Variants in DCC observed in about 807,000 individuals in gnomAD.
The protein encoded by DCC is DCC netrin 1 receptor.
In DCC, 58 loss-of-function variants were observed where a neutral mutation model predicts 172.5. The observed-to-expected ratio is 0.34, with a 90% CI of 0.27 to 0.42. DCC has a LOEUF of 0.42. Ranked by LOEUF, DCC falls within the 10% of genes least tolerant of loss-of-function variation. DCC has a pLI of 1.00. For synonymous variants in DCC, 709 were observed against 644.5 expected (o/e 1.10, Z -1.52); for missense variants, 1,740 against 1,791.0 (o/e 0.97, Z 0.51).
intron 1 of DCC, among the ~76,000 whole-genome samples, chr18:52,698,259 C>A (rs1191605622): frequency 6.6e-6 from 1 of 152,156 alleles, no homozygotes; most frequent in East Asian, 1.9e-4. Context: ...TTTGAAAAGA[C>A]CTGCCATTTT....
At chr18:53,423,527 A>G (rs1246570204) in intron 21 of DCC, among the ~76,000 whole-genome samples, 2 of 152,170 alleles carry the variant, frequency 1.3e-5, no homozygotes, top group South Asian at 4.1e-4. Context: ...ACATGCTGTA[A>G]TGTGTACCAT....
chr18:52,755,605 G>T lies in DCC; in HGVS notation c.412+3231G>T, dbSNP rs191546147. ...GCCAAACCACTAGAATTCACAAGGG[G>T]CATATATCTTCCCAGTAATAAAGAC... On this transcript the variant is annotated intron_variant, in intron 2 of 28. Transcript: ENST00000442544. Among the ~76,000 whole-genome samples, 687 of 152,210 alleles carry T rather than the reference G, an allele frequency of 4.5e-3. 6 individuals carry two copies. Among genetic ancestry groups the T allele is most frequent in the African/African-American group, 0.016 (663 of 41,530 alleles).
At chr18:52,727,039 A>G (rs1426194053) in intron 1 of DCC, among the ~76,000 whole-genome samples, 1 of 152,216 alleles carries the variant, frequency 6.6e-6, no homozygotes, top group Non-Finnish European at 1.5e-5. Flanking sequence ...TGTCTCACAT[A>G]TAACTCAGAT....
At chr18:52,606,779 T>C (rs2034140504) in intron 1 of DCC, among the ~76,000 whole-genome samples, 1 of 152,120 alleles carries the variant, frequency 6.6e-6, no homozygotes, top group South Asian at 2.1e-4. Flanking sequence ...ATTATGAGAG[T>C]AACATGTGGG....
intron 25 of DCC, among the ~76,000 whole-genome samples, chr18:53,469,855 A>G (rs2045673962): frequency 6.6e-6 from 1 of 152,062 alleles, no homozygotes; most frequent in African/African-American, 2.4e-5. Flanking sequence ...GTCACTCTCC[A>G]CTGAATCCAT....
At chr18:52,615,733 T>G (rs1170641320) in intron 1 of DCC, among the ~76,000 whole-genome samples, 1 of 152,130 alleles carries the variant, frequency 6.6e-6, no homozygotes, top group Non-Finnish European at 1.5e-5. Context: ...GACAAGTTCT[T>G]CTGATGATGA....
At chr18:53,438,655 G>C (rs1480736048) in intron 22 of DCC, among the ~76,000 whole-genome samples, 3 of 152,156 alleles carry the variant, frequency 2.0e-5, no homozygotes, top group African/African-American at 7.2e-5. Flanking sequence ...ATTTGAAGTT[G>C]CTATTCAAAT....
intron 15 of DCC, among the ~76,000 whole-genome samples, chr18:53,374,117 G>T (rs1056824728): frequency 9.9e-5 from 15 of 152,084 alleles, no homozygotes; most frequent in African/African-American, 2.9e-4. Context: ...GTCCAGTGTG[G>T]AAGCTGCTGT....
intron 1 of DCC, among the ~76,000 whole-genome samples, chr18:52,563,877 G>T (rs561939513): frequency 6.6e-6 from 1 of 152,260 alleles, no homozygotes; most frequent in Non-Finnish European, 1.5e-5. Context: ...ATGCCCCTTA[G>T]TAGGGTTCTG....
At position 53,531,822 on chromosome 18, in the gene DCC, T is replaced by A. The variant is rs1172517579; in HGVS notation, c.*1169T>A. ...CTTTTGTTAAGGGAAACTTTTACAC[T>A]ACACCTGTGTCAGAGTCAGGGGGAA... On this transcript the variant is annotated 3_prime_UTR_variant, in exon 29 of 29. Transcript: ENST00000442544. The A allele has an allele frequency of 6.6e-6, 1 of 152,202 alleles. No individual in the cohort carries two copies. Among genetic ancestry groups the A allele is most frequent in the African/African-American group, 2.4e-5 (1 of 41,440 alleles). 9.4% of individuals were successfully genotyped at this position (152,202 alleles called of 1,614,324 possible).
intron 8 of DCC, among the ~76,000 whole-genome samples, chr18:53,169,613 T>A (rs966663408): frequency 6.6e-6 from 1 of 152,158 alleles, no homozygotes; most frequent in African/African-American, 2.4e-5. Flanking sequence ...GTGTTACAGA[T>A]CATGACTCTG....
At chr18:53,468,380 T>TTTTA (rs778617338) in intron 25 of DCC, among the ~76,000 whole-genome samples, 16,262 of 134,512 alleles carry the variant, frequency 0.12, 1,111 homozygotes, top group East Asian at 0.19. Flanking sequence ...TATTTATTTA[T>TTTTA]TTTATTTATT....
chr18:52,341,946 G>C lies in DCC; in HGVS notation c.91+1068G>C, dbSNP rs143936188. Among the ~76,000 whole-genome samples the C allele has an allele frequency of 4.6e-5, 7 of 152,226 alleles. No individual in the cohort carries two copies. The East Asian group carries it at 1.4e-3, about 30-fold the overall frequency. ...GGAAAAACAGGCTCAGGCAGAGACC[G>C]GGCGTTGAGTAGGAGCTCCCCAGTT... On this transcript the variant is annotated intron_variant, in intron 1 of 28. Transcript: ENST00000442544.
intron 1 of DCC, among the ~76,000 whole-genome samples, chr18:52,519,633 G>T (rs974388770): frequency 1.3e-5 from 2 of 152,246 alleles, no homozygotes; most frequent in African/African-American, 2.4e-5. Flanking sequence ...TTGCCTCTTT[G>T]TGTTGAATCT....
intron 7 of DCC, among the ~76,000 whole-genome samples, chr18:53,104,904 T>G (rs2043222948): frequency 6.6e-6 from 1 of 152,014 alleles, no homozygotes; most frequent in African/African-American, 2.4e-5. Flanking sequence ...TCTATGCAAA[T>G]TCAATTTCAC....
At chr18:53,467,778 ATAC>A (rs2045639349) in intron 24 of DCC, 113 bp from the exon 25 acceptor site, 1 of 764,878 alleles carries the variant, frequency 1.3e-6, no homozygotes, top group African/African-American at 1.7e-5. Flanking sequence ...AAGAAGGTAG[ATAC>A]TATCATAGAA....
intron 21 of DCC, among the ~76,000 whole-genome samples, chr18:53,431,686 T>C (rs1278814291): frequency 2.6e-5 from 4 of 152,132 alleles, no homozygotes; most frequent in African/African-American, 9.7e-5. Context: ...GGTTTTGCCA[T>C]GTTGCCCAGG....
intron 7 of DCC, among the ~76,000 whole-genome samples, chr18:53,099,529 T>C (rs2043133519): frequency 6.6e-6 from 1 of 152,168 alleles, no homozygotes; most frequent in Non-Finnish European, 1.5e-5. Flanking sequence ...CTGTGCAGTT[T>C]CAACAAGTAA....
At chr18:53,449,216 A>G (rs773486785) in intron 22 of DCC, among the ~76,000 whole-genome samples, 13 of 152,228 alleles carry the variant, frequency 8.5e-5, no homozygotes, top group Admixed American at 2.6e-4. Flanking sequence ...ATTTGTAAAT[A>G]ATATAACCTA....
Sources: gnomAD v4.1 joint callset for allele counts (sites outside exome capture counted in the v4.1 genomes callset) on GRCh38, gnomAD v4.1.1 for gene constraint, MANE v1.5 for transcripts, NCBI Gene and HGNC (gene_info 2026-07-23, HGNC 2026-07-21) for gene names.